The following FAM110B variants were observed in gnomAD, a reference collection of about 807,000 sequenced individuals.
FAM110B encodes the protein protein FAM110B.
Under a neutral mutation model 20.4 loss-of-function variants are expected in FAM110B, and 6 were observed. The observed-to-expected ratio is 0.29, with a 90% CI of 0.16 to 0.58. FAM110B has a LOEUF of 0.58. Among genes scored for constraint, FAM110B ranks in the 20% least tolerant of loss-of-function variants. FAM110B has a pLI of 0.90. For missense variants in FAM110B, 434 were observed against 498.2 expected (o/e 0.87, Z 1.23); for synonymous variants, 226 against 214.1 (o/e 1.06, Z -0.49).
At chr8:58,008,444 A>G (rs768599094) in intron 1 of FAM110B, among the ~76,000 whole-genome samples, 9 of 151,950 alleles carry the variant, frequency 5.9e-5, no homozygotes, top group Non-Finnish European at 1.2e-4. Flanking sequence ...CATTTTTTCA[A>G]TTGTTATTTT....
chr8:58,145,964 AG>A lies in FAM110B; in HGVS notation c.-266del, dbSNP rs1803853344. The A allele has an allele frequency of 2.6e-6, 1 of 389,880 alleles. No individual in the cohort carries two copies. The highest frequency in any genetic ancestry group is 4.2e-5 in the Admixed American group (1 of 24,066). 24.2% of individuals were successfully genotyped at this position (389,880 alleles called of 1,614,324 possible). On this transcript the variant is annotated 5_prime_UTR_variant, in exon 4 of 4. Transcript: ENST00000519262. ...GAGACTCCCACCTCCTTCAGGGAGAAGAAAGGAGGCAGCGAAGCAGATTAAA... is the reference window on the plus strand; with the variant it reads ...GAGACTCCCACCTCCTTCAGGGAGAAAAAGGAGGCAGCGAAGCAGATTAAA...
rs895464704 is a variant in FAM110B at position 58,148,247 on chromosome 8, G to C, written c.*904G>C. On this transcript the variant is annotated 3_prime_UTR_variant, in exon 4 of 4. Transcript: ENST00000519262. ...CTCTCCCTTTGTTGTTATTTGATTT[G>C]GGGGAAGGGAGTGAGGCTTGTGCAG... is the stretch of plus-strand genomic sequence containing the variant. 1.7e-5 allele frequency: 2 copies of C among 120,788 alleles called. No individual in the cohort carries two copies. The allele number at this position is 120,788 out of a possible 1,614,324, so 7.5% of individuals were successfully genotyped here.
intron 2 of FAM110B, among the ~76,000 whole-genome samples, chr8:58,057,319 G>A (rs1805567165): frequency 6.6e-6 from 1 of 152,196 alleles, no homozygotes; most frequent in African/African-American, 2.4e-5. Flanking sequence ...TTGATAGAGT[G>A]AGAATTGTCA....
At chr8:58,036,136 A>G (rs1026166109) in intron 2 of FAM110B, among the ~76,000 whole-genome samples, 6 of 152,170 alleles carry the variant, frequency 3.9e-5, no homozygotes, top group African/African-American at 1.4e-4. Flanking sequence ...TTTCAGAATC[A>G]TGGTGCCACG....
intron 2 of FAM110B, among the ~76,000 whole-genome samples, chr8:58,035,887 C>T (rs1180793851): frequency 6.6e-6 from 1 of 152,012 alleles, no homozygotes; most frequent in Non-Finnish European, 1.5e-5. Context: ...CCCTGCTTGC[C>T]CCTTCCCCCT....
intron 3 of FAM110B, among the ~76,000 whole-genome samples, chr8:58,095,049 A>G (rs1212968847): frequency 6.6e-6 from 1 of 152,156 alleles, no homozygotes; most frequent in East Asian, 1.9e-4. Context: ...AGGTGTTTAT[A>G]GTATTCTCTG....
chr8:57,998,041 T>G (rs1436246427), intron 1 of FAM110B, among the ~76,000 whole-genome samples: 1 of 152,258 alleles, frequency 6.6e-6, no homozygotes, highest in African/African-American at 2.4e-5. Flanking sequence ...AGTGTTTGTG[T>G]TTCATACCTT....
intron 3 of FAM110B, among the ~76,000 whole-genome samples, chr8:58,138,922 G>A (rs898222455): frequency 1.3e-5 from 2 of 152,240 alleles, no homozygotes; most frequent in Middle Eastern, 6.8e-3. Context: ...GGCCTTCCCT[G>A]CATCTCTACA....
intron 3 of FAM110B, among the ~76,000 whole-genome samples, chr8:58,109,535 TTC>T (rs1468480986): frequency 6.6e-6 from 1 of 152,194 alleles, no homozygotes; most frequent in Non-Finnish European, 1.5e-5. Context: ...TTTTCTTTTT[TTC>T]TTTTGGTTAC....
intron 1 of FAM110B, among the ~76,000 whole-genome samples, chr8:58,022,113 A>G (rs1804768207): frequency 6.6e-6 from 1 of 152,174 alleles, no homozygotes. Flanking sequence ...TCATAAACAC[A>G]GTGATTTGTA....
At chr8:58,006,923 A>ATATATATATATATATATATATTTTT in intron 1 of FAM110B, among the ~76,000 whole-genome samples, 5 of 126,508 alleles carry the variant, frequency 4.0e-5, no homozygotes, top group African/African-American at 1.5e-4. Context: ...ATATATATAT[A>ATATATATATATATATATATATTTTT]TTTTTCCAAA....
At chr8:58,130,127 T>A (rs1398610755) in intron 3 of FAM110B, among the ~76,000 whole-genome samples, 1 of 152,220 alleles carries the variant, frequency 6.6e-6, no homozygotes, top group African/African-American at 2.4e-5. Flanking sequence ...ATGTTAAGTC[T>A]ACCTCTGCAT....
intron 2 of FAM110B, among the ~76,000 whole-genome samples, chr8:58,049,543 A>T (rs1805398363): frequency 6.6e-6 from 1 of 152,102 alleles, no homozygotes; most frequent in Non-Finnish European, 1.5e-5. Flanking sequence ...AGATGGATTG[A>T]CGGAGGATAG....
chr8:58,099,561 T>G (rs1806725064), intron 3 of FAM110B, among the ~76,000 whole-genome samples: 1 of 152,236 alleles, frequency 6.6e-6, no homozygotes, highest in African/African-American at 2.4e-5. Context: ...TTCAGTCTGT[T>G]GGGGTCTTGC....
At chr8:58,145,264 A>G (rs1803833983) in intron 3 of FAM110B, among the ~76,000 whole-genome samples, 1 of 151,920 alleles carries the variant, frequency 6.6e-6, no homozygotes, top group Admixed American at 6.5e-5. Context: ...TTCAGGAGAA[A>G]GTTTTTAAAT....
intron 2 of FAM110B, among the ~76,000 whole-genome samples, chr8:58,069,411 A>G (rs1805841318): frequency 6.6e-6 from 1 of 152,210 alleles, no homozygotes; most frequent in South Asian, 2.1e-4. Context: ...TCACAGCGCT[A>G]GGTAATGGAG....
rs550462633 is a variant in FAM110B, at chr8:58,094,871, C to CTTGTCT, written c.-325+19250_-325+19255dup. ...CTGGTAGAATTCGCTATGAATTCATCTTGTCTTGGATTTTTTTTGGTTGGT... is the reference window on the plus strand; with the variant it reads ...CTGGTAGAATTCGCTATGAATTCATCTTGTCTTTGTCTTGGATTTTTTTTGGTTGGT... On this transcript the variant is annotated intron_variant, in intron 3 of 3. Coordinates refer to ENST00000519262, the MANE Select transcript of FAM110B (RefSeq NM_001377989.1). 2.9e-4 allele frequency among the ~76,000 whole-genome samples: 44 copies of CTTGTCT among 152,196 alleles called. 1 individual carries two copies. In the South Asian group the frequency reaches 8.9e-3, roughly 31 times the overall value.
intron 3 of FAM110B, among the ~76,000 whole-genome samples, chr8:58,082,904 G>T (rs1478846631): frequency 7.3e-5 from 11 of 150,208 alleles, no homozygotes; most frequent in Admixed American, 2.0e-4. Flanking sequence ...AGCTACTTGG[G>T]AGCCTGAGGC....
intron 3 of FAM110B, among the ~76,000 whole-genome samples, chr8:58,132,909 T>C (rs1399460447): frequency 2.0e-5 from 3 of 152,188 alleles, no homozygotes; most frequent in African/African-American, 4.8e-5. Flanking sequence ...AAAAGCCAAC[T>C]CCCTTTTTCA....
Sources: gnomAD v4.1 joint callset for allele counts (sites outside exome capture counted in the v4.1 genomes callset) on GRCh38, gnomAD v4.1.1 for gene constraint, MANE v1.5 for transcripts, NCBI Gene and HGNC (gene_info 2026-07-23, HGNC 2026-07-21) for gene names.